Variants in CDH4 observed in about 807,000 individuals in gnomAD.
The protein encoded by CDH4 is cadherin 4, also known as cadherin-4.
Under a neutral mutation model 86.0 loss-of-function variants are expected in CDH4, and 33 were observed. The observed-to-expected ratio is 0.38, with a 90% CI of 0.29 to 0.51. CDH4 has a LOEUF of 0.51. Ranked by LOEUF, CDH4 falls within the 20% of genes least tolerant of loss-of-function variation. The pLI is 0.86. For missense variants in CDH4, 1,114 were observed against 1,307.4 expected, an observed-to-expected ratio of 0.85 and a Z score of 2.28; for synonymous variants, 555 against 549.4, an observed-to-expected ratio of 1.01 and a Z score of -0.14.
intron 2 of CDH4, among the ~76,000 whole-genome samples, chr20:61,383,471 G>T (rs2084924139): frequency 2.7e-5 from 1 of 36,524 alleles, no homozygotes; most frequent in Admixed American, 3.3e-4. Context: ...AGATATATAT[G>T]AATATATATG....
chr20:61,282,351 TCA>T (rs2084263398), intron 2 of CDH4, among the ~76,000 whole-genome samples: 1 of 152,150 alleles, frequency 6.6e-6, no homozygotes, highest in South Asian at 2.1e-4. Flanking sequence ...AGCGTCAGAC[TCA>T]GTCTCAAAAA....
At chr20:61,734,068 G>T (rs1568785029) in intron 2 of CDH4, among the ~76,000 whole-genome samples, 6 of 152,192 alleles carry the variant, frequency 3.9e-5, no homozygotes, top group Admixed American at 3.9e-4. Context: ...GGGGTAAAGG[G>T]TTAACCCGGA....
chr20:61,888,405 G>A (rs555189882), intron 7 of CDH4, among the ~76,000 whole-genome samples: 11 of 152,314 alleles, frequency 7.2e-5, no homozygotes, highest in East Asian at 3.9e-4. Context: ...GTGCTCACAG[G>A]TGAAGGAGAA....
At chr20:61,540,050 T>G (rs1350781884) in intron 2 of CDH4, among the ~76,000 whole-genome samples, 1 of 152,082 alleles carries the variant, frequency 6.6e-6, no homozygotes, top group East Asian at 1.9e-4. Flanking sequence ...TGGTTGGTGG[T>G]CAGGTGTAGA....
chr20:61,271,594 G>A (rs1213309590), intron 2 of CDH4, among the ~76,000 whole-genome samples: 1 of 152,216 alleles, frequency 6.6e-6, no homozygotes, highest in Non-Finnish European at 1.5e-5. Context: ...GGGTTCTCAG[G>A]TCTGTGCTCA....
intron 2 of CDH4, among the ~76,000 whole-genome samples, chr20:61,652,263 A>C (rs7347646): frequency 6.6e-6 from 1 of 152,232 alleles, no homozygotes; most frequent in Non-Finnish European, 1.5e-5. Context: ...ACCTTCGAAC[A>C]GTTCCTTCCA....
chr20:61,564,330 C>T (rs187005524), intron 2 of CDH4, among the ~76,000 whole-genome samples: 22 of 152,156 alleles, frequency 1.4e-4, no homozygotes, highest in Non-Finnish European at 2.4e-4. Flanking sequence ...GGATGTTTGT[C>T]GCTTCCTAAT....
chr20:61,556,876 C>G (rs868130701), intron 2 of CDH4, among the ~76,000 whole-genome samples: 2 of 152,140 alleles, frequency 1.3e-5, no homozygotes, highest in African/African-American at 4.8e-5. Flanking sequence ...GCAACAACAC[C>G]GAGAACACGT....
At chr20:61,715,283 C>A (rs1600904274) in intron 2 of CDH4, among the ~76,000 whole-genome samples, 1 of 152,118 alleles carries the variant, frequency 6.6e-6, no homozygotes, top group Non-Finnish European at 1.5e-5. Context: ...GATTTGAGTT[C>A]TTTGTAAATT....
intron 4 of CDH4, among the ~76,000 whole-genome samples, chr20:61,803,266 G>C (rs1223033084): frequency 6.6e-6 from 1 of 152,254 alleles, no homozygotes; most frequent in South Asian, 2.1e-4. Context: ...GGCACAATCC[G>C]CCCGGGCTGG....
At chr20:61,539,330 G>A (rs1355047840) in intron 2 of CDH4, among the ~76,000 whole-genome samples, 1 of 152,166 alleles carries the variant, frequency 6.6e-6, no homozygotes, top group Non-Finnish European at 1.5e-5. Context: ...ACTCCTTGGG[G>A]GCTTAAACAA....
In CDH4 at chr20:61,797,094, C is replaced by T. The variant is rs11468582; in HGVS notation, c.576+23912C>T. Among the ~76,000 whole-genome samples the T allele has an allele frequency of 8.8e-5, 13 of 148,202 alleles. 1 individual carries two copies. The South Asian group carries it at 1.3e-3, about 15-fold the overall frequency. On this transcript the variant is annotated intron_variant, in intron 4 of 15. Transcript: ENST00000614565. ...CTGGGACAGGAAGAGCCCCCCCCCC[C>T]CCAACACTGGCCAGCTCCTGGTGGA...
At chr20:61,385,455 G>T (rs57819229) in intron 2 of CDH4, among the ~76,000 whole-genome samples, 37,279 of 151,348 alleles carry the variant, frequency 0.25, 4,924 homozygotes, top group African/African-American at 0.34. Flanking sequence ...AATCCCCGCC[G>T]CCCCCCGCCC....
intron 2 of CDH4, among the ~76,000 whole-genome samples, chr20:61,306,129 C>T (rs1225695365): frequency 1.3e-5 from 2 of 152,160 alleles, no homozygotes; most frequent in Non-Finnish European, 2.9e-5. Flanking sequence ...TCTCTTCTTC[C>T]TTGCTTAGGG....
At chr20:61,292,054 A>G (rs886159900) in intron 2 of CDH4, among the ~76,000 whole-genome samples, 2 of 152,186 alleles carry the variant, frequency 1.3e-5, no homozygotes, top group African/African-American at 4.8e-5. Context: ...AGCTTCATCC[A>G]TGTCCCTGCA....
At chr20:61,431,109 C>G (rs112773258) in intron 2 of CDH4, among the ~76,000 whole-genome samples, 2 of 152,204 alleles carry the variant, frequency 1.3e-5, no homozygotes. Flanking sequence ...CAGCGCAGCA[C>G]GCACAGATCC....
chr20:61,397,058 C>T (rs1251002313), intron 2 of CDH4, among the ~76,000 whole-genome samples: 1 of 152,044 alleles, frequency 6.6e-6, no homozygotes, highest in African/African-American at 2.4e-5. Context: ...ATTACAGGTG[C>T]GCCACCACAC....
At chr20:61,692,227 ATGTGTGTGTATGTATG>A (rs1332103460) in intron 2 of CDH4, among the ~76,000 whole-genome samples, 1 of 135,832 alleles carries the variant, frequency 7.4e-6, no homozygotes, top group Admixed American at 7.7e-5. Context: ...GTATGTGTGT[ATGTGTGTGTATGTATG>A]TGTGTGTATG....
intron 9 of CDH4, among the ~76,000 whole-genome samples, chr20:61,913,231 C>G (rs1435817727): frequency 3.9e-5 from 6 of 152,288 alleles, no homozygotes; most frequent in African/African-American, 1.4e-4. Flanking sequence ...TTCATCAGCC[C>G]AACATAGATC....
Sources: gnomAD v4.1 joint callset for allele counts (sites outside exome capture counted in the v4.1 genomes callset) on GRCh38, gnomAD v4.1.1 for gene constraint, MANE v1.5 for transcripts, NCBI Gene and HGNC (gene_info 2026-07-23, HGNC 2026-07-21) for gene names.